IFT56: variants seen among roughly 807,000 people sequenced by gnomAD.
IFT56 encodes intraflagellar transport protein 56.
the IFT56 span, among the ~76,000 whole-genome samples, chr7:139,156,448 T>C: frequency 0.012 from 1,896 of 152,098 alleles, 25 homozygotes; most frequent in Non-Finnish European, 0.021. Flanking sequence ...TTTTTAAATA[T>C]AGGCATTTAC....
At chr7:139,173,492 G>C in the IFT56 span, 1 of 715,140 alleles carries the variant, frequency 1.4e-6, no homozygotes, top group South Asian at 1.5e-5. Flanking sequence ...GCCTCCCAAA[G>C]TGCTGAGATT....
chr7:139,142,116 AAAC>A, the IFT56 span: 1 of 865,578 alleles, frequency 1.2e-6, no homozygotes, highest in Admixed American at 2.2e-5. Flanking sequence ...CACCAGACTC[AAAC>A]AATATGTATT....
At chr7:139,189,044 A>G in the IFT56 span, among the ~76,000 whole-genome samples, 1 of 152,224 alleles carries the variant, frequency 6.6e-6, no homozygotes, top group South Asian at 2.1e-4. Context: ...TCATCTCAGA[A>G]AGGACAAAAA....
the IFT56 span, among the ~76,000 whole-genome samples, chr7:139,159,123 A>T: frequency 6.6e-6 from 1 of 152,170 alleles, no homozygotes; most frequent in Non-Finnish European, 1.5e-5. Context: ...AAAATGAATG[A>T]ATTGAAGCAG....
chr7:139,167,703 C>T, the IFT56 span, among the ~76,000 whole-genome samples: 29,167 of 151,934 alleles, frequency 0.19, 5,078 homozygotes, highest in African/African-American at 0.43. Flanking sequence ...CTTTGGGAGG[C>T]CAAGGCAGGT....
the IFT56 span, among the ~76,000 whole-genome samples, chr7:139,137,293 T>A: frequency 6.6e-6 from 1 of 152,376 alleles, no homozygotes; most frequent in South Asian, 2.1e-4. Flanking sequence ...CATCCTTAAC[T>A]CTTGTAGGCC....
chr7:139,146,888 G>A, the IFT56 span: 55 of 841,584 alleles, frequency 6.5e-5, no homozygotes, highest in Middle Eastern at 4.9e-4. Flanking sequence ...GAAAAGATAA[G>A]GGGAAGGGTC....
At chr7:139,160,433 C>CTT in the IFT56 span, among the ~76,000 whole-genome samples, 13 of 138,440 alleles carry the variant, frequency 9.4e-5, no homozygotes, top group East Asian at 2.1e-4. Context: ...AGTCACTTAA[C>CTT]TTTTTTTTTT....
the IFT56 span, chr7:139,165,297 G>A: frequency 9.2e-7 from 1 of 1,083,056 alleles, no homozygotes; most frequent in Non-Finnish European, 1.4e-6. Flanking sequence ...AAATATGTCT[G>A]ATGGAACTAT....
At chr7:139,161,118 A>G in the IFT56 span, 1 of 1,114,064 alleles carries the variant, frequency 9.0e-7, no homozygotes, top group Non-Finnish European at 1.3e-6. Context: ...ATGCGCCAGC[A>G]AGTAATGCTT....
At chr7:139,159,430 A>G in the IFT56 span, among the ~76,000 whole-genome samples, 5 of 151,980 alleles carry the variant, frequency 3.3e-5, no homozygotes, top group Admixed American at 1.3e-4. Context: ...TTTTTATTTT[A>G]TTAATTTATG....
At chr7:139,188,364 G>T in the IFT56 span, among the ~76,000 whole-genome samples, 1 of 151,870 alleles carries the variant, frequency 6.6e-6, no homozygotes, top group African/African-American at 2.4e-5. Flanking sequence ...GCCTCCCAAA[G>T]TTCTGGGATT....
At chr7:139,165,963 T>C in the IFT56 span, among the ~76,000 whole-genome samples, 2 of 152,324 alleles carry the variant, frequency 1.3e-5, no homozygotes, top group African/African-American at 4.8e-5. Context: ...TTATTTATTA[T>C]TATTATTCTT....
the IFT56 span, among the ~76,000 whole-genome samples, chr7:139,138,905 G>T: frequency 6.6e-6 from 1 of 151,598 alleles, no homozygotes; most frequent in Non-Finnish European, 1.5e-5. Flanking sequence ...CCGCCTCCCG[G>T]GTTCAAGCAA....
At chr7:139,185,810 A>G in the IFT56 span, among the ~76,000 whole-genome samples, 1 of 152,022 alleles carries the variant, frequency 6.6e-6, no homozygotes, top group East Asian at 1.9e-4. Flanking sequence ...GTTATTTCAC[A>G]ATAAAGACTT....
the IFT56 span, chr7:139,148,499 C>T: frequency 2.3e-6 from 2 of 876,156 alleles, no homozygotes; most frequent in Admixed American, 2.4e-5. Flanking sequence ...ATCATTGCCA[C>T]TGTGATTCTA....
At chr7:139,187,311 T>C in the IFT56 span, 3 of 1,455,440 alleles carry the variant, frequency 2.1e-6, no homozygotes, top group Non-Finnish European at 2.8e-6. Flanking sequence ...CATGCACTTA[T>C]TTCATACAGT....
chr7:139,147,415 A>C, the IFT56 span: 1 of 791,880 alleles, frequency 1.3e-6, no homozygotes, highest in African/African-American at 1.7e-5. Flanking sequence ...TTAGTTGATA[A>C]TTTGGTGAGA....
chr7:139,185,220 G>A, the IFT56 span, among the ~76,000 whole-genome samples: 2 of 151,710 alleles, frequency 1.3e-5, no homozygotes, highest in African/African-American at 4.9e-5. Context: ...AGAGTAATTC[G>A]GTATCTTGAT....
Sources: allele counts gnomAD v4.1 joint callset (sites outside exome capture counted in the v4.1 genomes callset), GRCh38; gene constraint gnomAD v4.1.1; transcripts MANE v1.5; gene names NCBI Gene and HGNC (gene_info 2026-07-23, HGNC 2026-07-21).